REPS2: variants seen among roughly 807,000 people sequenced by gnomAD.
The protein encoded by REPS2 is RALBP1 associated Eps domain containing 2.
A neutral mutation model predicts 53.6 loss-of-function variants in REPS2; 23 were observed. That is an observed-to-expected ratio of 0.43 (90% CI 0.31 to 0.61). The LOEUF is 0.61. REPS2 is among the 20% of genes least tolerant of loss of function. The probability of loss-of-function intolerance (pLI) is 0.11; values close to 1 mark genes in which losing one functional copy is unlikely to be tolerated. For missense variants in REPS2, 446 were observed against 534.9 expected, an observed-to-expected ratio of 0.83 and a Z score of 1.64; for synonymous variants, 238 against 218.6, an observed-to-expected ratio of 1.09 and a Z score of -0.78.
Position 16,947,075 on chromosome X carries a change from G to T in REPS2, c.214G>T (p.Ala72Ser). The T allele has an allele frequency of 9.3e-7, 1 of 1,073,121 alleles. No individual in the cohort carries two copies. Among genetic ancestry groups the T allele is most frequent in the East Asian group, 4.0e-5 (1 of 24,959 alleles). 88.4% of individuals were successfully genotyped at this position (1,073,121 alleles called of 1,213,427 possible). A position where few individuals can be genotyped will look rare whatever the true frequency, so the allele number is the denominator to read the frequency against. The change falls in exon 1 of 18, where the codon GCC (alanine) becomes TCC (serine). Residue 72 changes from alanine (A) to serine (S), a missense_variant. Transcript: ENST00000357277. ...CGCCCCCGGCACGGCCACTGCGGCCGCCGGCCCCGTGGCTGACCTGTTTCG... is the reference window on the plus strand; with the variant it reads ...CGCCCCCGGCACGGCCACTGCGGCCTCCGGCCCCGTGGCTGACCTGTTTCG... ...RVAPGTATAA[A>S]GPVADLFRAS... is the part of the protein sequence containing the mutation.
chrX:17,143,527 C>T (rs1270551087), intron 17 of REPS2, among the ~76,000 whole-genome samples: 1 of 106,336 alleles, frequency 9.4e-6, no homozygotes, highest in Non-Finnish European at 1.9e-5. Context: ...TTATTTCCTC[C>T]CCCCTGCCCT....
chrX:17,146,125 A>G (rs1420286362), intron 17 of REPS2, among the ~76,000 whole-genome samples: 1 of 106,801 alleles, frequency 9.4e-6, no homozygotes, highest in African/African-American at 3.4e-5. Flanking sequence ...AAAAAAAAAA[A>G]GAAAGAAAGA....
At chrX:17,059,659 G>A (rs985805393) in intron 8 of REPS2, among the ~76,000 whole-genome samples, 1 of 109,549 alleles carries the variant, frequency 9.1e-6, no homozygotes, top group Non-Finnish European at 1.9e-5. Context: ...TAGAGACGGG[G>A]TTTCACCATG....
chrX:17,068,384 T>C lies in REPS2; in HGVS notation c.1210-18T>C. ...TCTGTTCCAACCAGTTTAATTCATT[T>C]ACTTTTCTTTTTCAAAGAAGACATC... On this transcript the variant is annotated intron_variant, in intron 9 of 17. Transcript: ENST00000357277. 5.1e-6 allele frequency: 6 copies of C among 1,173,810 alleles called. No homozygotes were observed. The highest frequency in any genetic ancestry group is 6.9e-6 in the Non-Finnish European group (6 of 863,938).
the REPS2 span, among the ~76,000 whole-genome samples, chrX:17,180,451 T>C: frequency 9.0e-6 from 1 of 111,210 alleles, no homozygotes. Context: ...AATGCCTACT[T>C]TGCAGTGTAA....
intron 2 of REPS2, among the ~76,000 whole-genome samples, chrX:17,018,449 A>T (rs760232305): frequency 1.8e-5 from 2 of 110,524 alleles, no homozygotes; most frequent in East Asian, 5.7e-4. Context: ...TCAGCCTCCC[A>T]AAGTGCTGGG....
At chrX:17,002,399 CA>C (rs2061318833) in intron 1 of REPS2, among the ~76,000 whole-genome samples, 1 of 111,758 alleles carries the variant, frequency 8.9e-6, no homozygotes, top group Admixed American at 9.5e-5. Context: ...CACACCTCAG[CA>C]CTGCCTGTCT....
chrX:17,173,116 C>A, the REPS2 span, among the ~76,000 whole-genome samples: 1 of 111,379 alleles, frequency 9.0e-6, no homozygotes, highest in Non-Finnish European at 1.9e-5. Context: ...CAAATTACCA[C>A]AAATTCAGAG....
At chrX:17,036,564 G>T (rs1012891586) in intron 5 of REPS2, among the ~76,000 whole-genome samples, 5 of 111,793 alleles carry the variant, frequency 4.5e-5, no homozygotes, top group African/African-American at 1.3e-4. Flanking sequence ...CTCGAAGGAG[G>T]TTATGGACCC....
At chrX:17,158,709 G>GT in the REPS2 span, among the ~76,000 whole-genome samples, 4 of 112,025 alleles carry the variant, frequency 3.6e-5, no homozygotes, top group African/African-American at 1.3e-4. Flanking sequence ...ATACTTGCCT[G>GT]TTTTTTCTAT....
intron 1 of REPS2, among the ~76,000 whole-genome samples, chrX:16,956,683 G>A (rs2060601804): frequency 8.9e-6 from 1 of 111,831 alleles, no homozygotes. Context: ...ACCAGGGACA[G>A]TTCCTGCAGT....
At chrX:17,026,100 A>C (rs913718854) in intron 4 of REPS2, among the ~76,000 whole-genome samples, 4 of 112,025 alleles carry the variant, frequency 3.6e-5, no homozygotes, top group Non-Finnish European at 1.9e-5. Context: ...CAGGCGTGGC[A>C]TAATGGCAAT....
At chrX:17,182,626 T>C in the REPS2 span, among the ~76,000 whole-genome samples, 1 of 111,270 alleles carries the variant, frequency 9.0e-6, no homozygotes, top group African/African-American at 3.3e-5. Flanking sequence ...AGGAAGGGAG[T>C]GCTGAATTAG....
chrX:16,965,314 G>C (rs1472294858), intron 1 of REPS2, among the ~76,000 whole-genome samples: 1 of 112,358 alleles, frequency 8.9e-6, no homozygotes, highest in Non-Finnish European at 1.9e-5. Context: ...CGGGCGGGGG[G>C]CTGACCCCCC....
intron 5 of REPS2, among the ~76,000 whole-genome samples, chrX:17,044,988 G>A (rs2061886359): frequency 9.0e-6 from 1 of 111,689 alleles, no homozygotes; most frequent in Non-Finnish European, 1.9e-5. Context: ...GGAGTGCAAT[G>A]GCGCGATCTC....
intron 2 of REPS2, among the ~76,000 whole-genome samples, chrX:17,018,129 T>C (rs1569128825): frequency 9.0e-6 from 1 of 111,278 alleles, no homozygotes; most frequent in Non-Finnish European, 1.9e-5. Flanking sequence ...TAGAACCTTT[T>C]CACCTCACCT....
intron 1 of REPS2, among the ~76,000 whole-genome samples, chrX:16,965,205 A>C (rs2060736168): frequency 2.4e-5 from 2 of 85,041 alleles, no homozygotes; most frequent in African/African-American, 4.6e-5. Flanking sequence ...ACTTCCCAGT[A>C]GGGGCGGCTG....
intron 3 of REPS2, 90 bp from the exon 4 acceptor site, chrX:17,024,969 C>A: frequency 3.4e-6 from 4 of 1,166,442 alleles, no homozygotes; most frequent in Non-Finnish European, 4.7e-6. Context: ...GCTGGGTCAC[C>A]AGCAGTAGAG....
At chrX:17,191,383 A>G in the REPS2 span, among the ~76,000 whole-genome samples, 1 of 112,560 alleles carries the variant, frequency 8.9e-6, no homozygotes, top group African/African-American at 3.2e-5. Flanking sequence ...TAAGACCACA[A>G]TGAAATACCA....
Sources: gnomAD v4.1 joint callset for allele counts (sites outside exome capture counted in the v4.1 genomes callset) on GRCh38, gnomAD v4.1.1 for gene constraint, MANE v1.5 for transcripts, NCBI Gene and HGNC (gene_info 2026-07-23, HGNC 2026-07-21) for gene names.